Variants in CACNA2D2 observed in about 807,000 individuals in gnomAD.
CACNA2D2 encodes voltage-dependent calcium channel subunit alpha-2/delta-2.
Under a neutral mutation model 166.4 loss-of-function variants are expected in CACNA2D2, and 48 were observed. That is an observed-to-expected ratio of 0.29 (90% CI 0.23 to 0.37). The LOEUF (loss-of-function observed/expected upper bound fraction) is 0.37, where lower values mean the gene tolerates loss of function less well. Ranked by LOEUF, CACNA2D2 falls within the 10% of genes least tolerant of loss-of-function variation. The pLI is 1.00. For missense variants in CACNA2D2, 1,122 were observed against 1,433.0 expected, an observed-to-expected ratio of 0.78 and a Z score of 3.50; for synonymous variants, 561 against 573.7, an observed-to-expected ratio of 0.98 and a Z score of 0.32.
intron 3 of CACNA2D2, among the ~76,000 whole-genome samples, chr3:50,399,556 C>T (rs913639788): frequency 2.0e-5 from 3 of 152,098 alleles, no homozygotes; most frequent in Non-Finnish European, 4.4e-5. Flanking sequence ...AGGATATCAC[C>T]AGGTGTGGTC....
At chr3:50,381,245 C>G in intron 6 of CACNA2D2, 119 bp from the exon 7 acceptor site, 1 of 1,190,388 alleles carries the variant, frequency 8.4e-7, no homozygotes. Flanking sequence ...TCGGCCTATC[C>G]AGGCCCTCCC....
At chr3:50,399,562 T>TGGTC (rs1378238603) in intron 3 of CACNA2D2, among the ~76,000 whole-genome samples, 4 of 152,074 alleles carry the variant, frequency 2.6e-5, no homozygotes, top group Non-Finnish European at 5.9e-5. Flanking sequence ...TCACCAGGTG[T>TGGTC]GGTCCAGTGC....
chr3:50,457,435 G>A (rs1709409026), intron 2 of CACNA2D2, among the ~76,000 whole-genome samples: 1 of 152,102 alleles, frequency 6.6e-6, no homozygotes. Flanking sequence ...CATAATCTGG[G>A]CTCTGAGTTT....
chr3:50,430,657 G>C (rs1214243264), intron 3 of CACNA2D2, among the ~76,000 whole-genome samples: 2 of 152,178 alleles, frequency 1.3e-5, no homozygotes, highest in African/African-American at 2.4e-5. Flanking sequence ...TAATGATGAG[G>C]GGGTGGTCTT....
At position 50,365,264 on chromosome 3, in the gene CACNA2D2, G is replaced by A. The variant is rs1225497180; in HGVS notation, c.3099-80C>T. The A allele has an allele frequency of 6.3e-6, 5 of 798,766 alleles. No homozygotes were observed. The highest frequency in any genetic ancestry group is 8.7e-6 in the Non-Finnish European group (5 of 576,944). 49.5% of individuals were successfully genotyped at this position (798,766 alleles called of 1,614,324 possible). Reference sequence around the variant, plus strand: ...CCATCCTGCGGCCCCGCCCCCGGCCGCTCGGAGGCCCCGCCCCTTCCATCC... The same window carrying A: ...CCATCCTGCGGCCCCGCCCCCGGCCACTCGGAGGCCCCGCCCCTTCCATCC... On this transcript the variant is annotated intron_variant, in intron 35 of 37. Transcript: ENST00000424201. The surrounding 1 kb of genome is among the most constrained non-coding windows in gnomAD (Gnocchi z 4.5).
chr3:50,496,860 G>C (rs1698745602), intron 1 of CACNA2D2, among the ~76,000 whole-genome samples: 2 of 152,208 alleles, frequency 1.3e-5, no homozygotes, highest in South Asian at 4.1e-4. Flanking sequence ...AGGGAAGGCA[G>C]GCATCAAAGG....
At chr3:50,462,782 G>A (rs1456083081) in intron 2 of CACNA2D2, among the ~76,000 whole-genome samples, 1 of 152,032 alleles carries the variant, frequency 6.6e-6, no homozygotes, top group East Asian at 1.9e-4. Context: ...GGGCTGCTGT[G>A]CTCCTAACAC....
chr3:50,368,141 G>T lies in CACNA2D2; in HGVS notation c.2140C>A (p.Gln714Lys). ...AGCTGCCCTGCCAGGCACTCACACTGCTTGGAGTCTGGAGTCACTTTCTCC... is the reference window on the plus strand; with the variant it reads ...AGCTGCCCTGCCAGGCACTCACACTTCTTGGAGTCTGGAGTCACTTTCTCC... ...LMEKVTPDSK[Q>K]CNNFLLHNLI... Residue 714 changes from glutamine to lysine, a missense_variant, in exon 24 of 38, where the codon CAG becomes AAG. Physicochemically the swap from Gln to Lys is moderately conservative, Grantham distance 53. This residue lies in a region of CACNA2D2 where 840 missense variants were observed against 1,166.8 expected (regional missense o/e 0.72). Transcript: ENST00000424201. 1 of 1,609,992 alleles carries T rather than the reference G, an allele frequency of 6.2e-7. No homozygotes were observed. The highest frequency in any genetic ancestry group is 8.5e-7 in the Non-Finnish European group (1 of 1,176,326).
intron 3 of CACNA2D2, among the ~76,000 whole-genome samples, chr3:50,433,898 C>T (rs1708189662): frequency 6.6e-6 from 1 of 152,186 alleles, no homozygotes; most frequent in African/African-American, 2.4e-5. Context: ...TCGACACTCC[C>T]TCCAAGAGAG....
At chr3:50,493,444 G>C (rs1414278650) in intron 1 of CACNA2D2, among the ~76,000 whole-genome samples, 1 of 152,230 alleles carries the variant, frequency 6.6e-6, no homozygotes, top group South Asian at 2.1e-4. Context: ...TAGTACCTGG[G>C]TCTGCAGATG....
intron 6 of CACNA2D2, among the ~76,000 whole-genome samples, chr3:50,383,892 A>T (rs1257601289): frequency 6.6e-6 from 1 of 152,048 alleles, no homozygotes; most frequent in African/African-American, 2.4e-5. Context: ...ACATGTGGGG[A>T]ACGGTCTCTG....
chr3:50,462,356 CCAGCCTGGGTGG>C (rs1003898299), intron 2 of CACNA2D2, among the ~76,000 whole-genome samples: 7 of 149,762 alleles, frequency 4.7e-5, no homozygotes, highest in African/African-American at 1.7e-4. Context: ...CCACTGCACT[CCAGCCTGGGTGG>C]CAGAGCAAGA....
At chr3:50,417,188 T>C (rs1227965965) in intron 3 of CACNA2D2, among the ~76,000 whole-genome samples, 1 of 152,174 alleles carries the variant, frequency 6.6e-6, no homozygotes, top group African/African-American at 2.4e-5. Context: ...CAGACTCTTC[T>C]GGTGTAGACA....
At chr3:50,405,900 G>A (rs969187117) in intron 3 of CACNA2D2, among the ~76,000 whole-genome samples, 1 of 152,174 alleles carries the variant, frequency 6.6e-6, no homozygotes, top group Non-Finnish European at 1.5e-5. Context: ...GAACCATGGT[G>A]CTAGCCAAAC....
chr3:50,363,552 A>T lies in CACNA2D2; in HGVS notation c.*1114T>A. 3.0e-6 allele frequency: 1 copy of T among 333,868 alleles called. No individual in the cohort carries two copies. Among genetic ancestry groups the T allele is most frequent in the Non-Finnish European group, 5.3e-6 (1 of 187,076 alleles). The allele number at this position is 333,868 out of a possible 1,614,324, so 20.7% of individuals were successfully genotyped here. On this transcript the variant is annotated 3_prime_UTR_variant, in exon 38 of 38. Transcript: ENST00000424201. ...AGGGAGTGTGTGTGTAGGGGTGGGAAGGAGATAGGGAGTGGGCACAGGCCT... is the reference window on the plus strand; with the variant it reads ...AGGGAGTGTGTGTGTAGGGGTGGGATGGAGATAGGGAGTGGGCACAGGCCT...
upstream of CACNA2D2, among the ~76,000 whole-genome samples, chr3:50,503,860 C>T (rs1370440730): frequency 6.6e-6 from 1 of 151,986 alleles, no homozygotes; most frequent in African/African-American, 2.4e-5. Flanking sequence ...CCGAGCGCCC[C>T]GGGTGCGCCC....
chr3:50,467,857 G>A (rs534753808), intron 2 of CACNA2D2, among the ~76,000 whole-genome samples: 3 of 152,176 alleles, frequency 2.0e-5, no homozygotes, highest in Non-Finnish European at 2.9e-5. Flanking sequence ...TAAAATCTCC[G>A]CTTACAAGGT....
chr3:50,485,885 G>A (rs1458886578), intron 1 of CACNA2D2, among the ~76,000 whole-genome samples: 1 of 152,188 alleles, frequency 6.6e-6, no homozygotes, highest in Non-Finnish European at 1.5e-5. Flanking sequence ...CAGGGGCAAG[G>A]CAAAGGGTCC....
intron 3 of CACNA2D2, among the ~76,000 whole-genome samples, chr3:50,418,375 C>T (rs1223663065): frequency 6.6e-6 from 1 of 152,218 alleles, no homozygotes; most frequent in African/African-American, 2.4e-5. Context: ...CTCCACTGCC[C>T]CGAACTCCAA....
Sources: allele counts gnomAD v4.1 joint callset (sites outside exome capture counted in the v4.1 genomes callset), GRCh38; gene constraint gnomAD v4.1.1; regional missense constraint gnomAD v4.1.1; non-coding constraint Gnocchi (gnomAD v3.1); transcripts MANE v1.5; gene names NCBI Gene and HGNC (gene_info 2026-07-23, HGNC 2026-07-21).